GNG4: variants seen among roughly 807,000 people sequenced by gnomAD.
GNG4 encodes G protein subunit gamma 4.
A neutral mutation model predicts 5.8 loss-of-function variants in GNG4; 4 were observed. The observed-to-expected ratio is 0.69, with a 90% CI of 0.34 to 1.57. The LOEUF is 1.57. Among genes scored for constraint, GNG4 ranks in the 40% most tolerant of loss-of-function variants. The pLI, the probability that GNG4 is intolerant of heterozygous loss-of-function variation, is 0.06. For missense variants in GNG4, 96 were observed against 95.1 expected (o/e 1.01, Z -0.04); for synonymous variants, 29 against 32.9 (o/e 0.88, Z 0.41).
chr1:235,627,802 A>C (rs1688846387), intron 1 of GNG4, among the ~76,000 whole-genome samples: 2 of 152,224 alleles, frequency 1.3e-5, no homozygotes, highest in Admixed American at 1.3e-4. Flanking sequence ...CAGGATCCTT[A>C]GTTTCAACCA....
At chr1:235,601,384 G>A (rs1688255487) in intron 1 of GNG4, among the ~76,000 whole-genome samples, 1 of 152,160 alleles carries the variant, frequency 6.6e-6, no homozygotes, top group African/African-American at 2.4e-5. Flanking sequence ...GAATCACCAT[G>A]CTGATCCATG....
At chr1:235,555,566 C>T (rs1430307612) in intron 3 of GNG4, among the ~76,000 whole-genome samples, 1 of 151,644 alleles carries the variant, frequency 6.6e-6, no homozygotes, top group Admixed American at 6.6e-5. Flanking sequence ...GCAGTCCCAG[C>T]TACTTGGGAG....
At chr1:235,560,593 T>C (rs760640679) in intron 3 of GNG4, among the ~76,000 whole-genome samples, 18 of 152,196 alleles carry the variant, frequency 1.2e-4, no homozygotes, top group Non-Finnish European at 2.4e-4. Context: ...CATTATTCAT[T>C]TGGCTACTTT....
chr1:235,650,382 A>T (rs1657653687), upstream of GNG4, among the ~76,000 whole-genome samples: 1 of 148,574 alleles, frequency 6.7e-6, no homozygotes, highest in African/African-American at 2.5e-5. Context: ...GGGTCTGGGG[A>T]CGGGGCCGCG....
At chr1:235,566,349 G>A (rs1443195453) in intron 3 of GNG4, among the ~76,000 whole-genome samples, 1 of 152,136 alleles carries the variant, frequency 6.6e-6, no homozygotes, top group Non-Finnish European at 1.5e-5. Flanking sequence ...GGAGGCCTTA[G>A]ATTCCCATAG....
intron 1 of GNG4, among the ~76,000 whole-genome samples, chr1:235,605,769 C>T (rs567989008): frequency 1.3e-5 from 2 of 152,178 alleles, no homozygotes; most frequent in East Asian, 1.9e-4. Context: ...CTGGCACTTT[C>T]AGGAAACCCT....
intron 1 of GNG4, among the ~76,000 whole-genome samples, chr1:235,597,486 G>T (rs551926016): frequency 6.6e-6 from 1 of 151,654 alleles, no homozygotes; most frequent in South Asian, 2.1e-4. Flanking sequence ...TAAGTCATGA[G>T]GATGGAGCTC....
rs1686878521 is a variant in GNG4, at chr1:235,555,551, C to T, written c.100-3314G>A. 5.9e-5 allele frequency among the ~76,000 whole-genome samples: 9 copies of T among 151,836 alleles called. No homozygotes were observed. The South Asian group carries it at 1.9e-3, about 32-fold the overall frequency. On this transcript the variant is annotated intron_variant, in intron 3 of 3. Coordinates refer to ENST00000391854, the MANE Select transcript of GNG4 (RefSeq NM_001098722.2). ...AAAATTAGCCAGGCATGATAGTGCA[C>T]ACCGGCAGTCCCAGCTACTTGGGAG...
intron 1 of GNG4, among the ~76,000 whole-genome samples, chr1:235,632,435 T>C (rs1280847283): frequency 6.6e-6 from 1 of 152,150 alleles, no homozygotes; most frequent in Non-Finnish European, 1.5e-5. Flanking sequence ...GGCTGCAAAA[T>C]GAGCTCCCAG....
chr1:235,586,602 A>G lies in GNG4; in HGVS notation c.-10-2754T>C, dbSNP rs994350928. Among the ~76,000 whole-genome samples the G allele has an allele frequency of 4.6e-4, 70 of 152,352 alleles. 1 individual carries two copies. The highest frequency in any genetic ancestry group is 2.1e-3 in the South Asian group (10 of 4,828). On this transcript the variant is annotated intron_variant, in intron 2 of 3. Transcript: ENST00000391854. ...ACTGGATCACGGGGCCAGATCAGTC[A>G]GGAAGGGCTCAGCGCCACCCTTTGG...
intron 1 of GNG4, among the ~76,000 whole-genome samples, chr1:235,636,460 A>G (rs531395028): frequency 2.6e-5 from 4 of 152,262 alleles, no homozygotes; most frequent in South Asian, 4.1e-4. Context: ...GGCACTGAGC[A>G]GCAGGCCTGC....
intron 1 of GNG4, among the ~76,000 whole-genome samples, chr1:235,634,971 C>T (rs1318374095): frequency 1.3e-5 from 2 of 152,016 alleles, no homozygotes; most frequent in African/African-American, 4.8e-5. Flanking sequence ...AGAAATACTT[C>T]CTTTGCTGAA....
At chr1:235,581,801 CTCTT>C (rs1305394778) in intron 3 of GNG4, among the ~76,000 whole-genome samples, 1 of 152,162 alleles carries the variant, frequency 6.6e-6, no homozygotes, top group Non-Finnish European at 1.5e-5. Context: ...TTTGACTTTC[CTCTT>C]TCTTTTAGTG....
chr1:235,585,683 A>G (rs991639303), intron 2 of GNG4, among the ~76,000 whole-genome samples: 7 of 152,168 alleles, frequency 4.6e-5, no homozygotes, highest in African/African-American at 1.7e-4. Flanking sequence ...TTTTCAATCC[A>G]TATATTTACG....
intron 1 of GNG4, among the ~76,000 whole-genome samples, chr1:235,600,981 G>C (rs1395695752): frequency 6.6e-6 from 1 of 152,206 alleles, no homozygotes; most frequent in South Asian, 2.1e-4. Context: ...TGACTCTGGT[G>C]TGCATGAAAG....
intron 3 of GNG4, among the ~76,000 whole-genome samples, chr1:235,578,408 C>G (rs1558482060): frequency 6.6e-6 from 1 of 152,168 alleles, no homozygotes; most frequent in African/African-American, 2.4e-5. Flanking sequence ...TAGGATCCAG[C>G]AATCCCACTA....
At chr1:235,571,841 CTAAT>C (rs1409041137) in intron 3 of GNG4, among the ~76,000 whole-genome samples, 5 of 152,038 alleles carry the variant, frequency 3.3e-5, no homozygotes, top group Admixed American at 6.6e-5. Context: ...AATTAATTAA[CTAAT>C]TAATTATTTT....
chr1:235,608,989 A>AT (rs56011845), intron 1 of GNG4, among the ~76,000 whole-genome samples: 20 of 151,050 alleles, frequency 1.3e-4, no homozygotes, highest in South Asian at 6.3e-4. Flanking sequence ...TGGCTCCTCA[A>AT]TTTTTTTTTG....
At chr1:235,569,653 C>T (rs532417213) in intron 3 of GNG4, among the ~76,000 whole-genome samples, 2 of 151,718 alleles carry the variant, frequency 1.3e-5, no homozygotes, top group African/African-American at 2.4e-5. Context: ...AGTGTTTGAA[C>T]GCCTCCCAGG....
Sources: gnomAD v4.1 joint callset for allele counts (sites outside exome capture counted in the v4.1 genomes callset) on GRCh38, gnomAD v4.1.1 for gene constraint, MANE v1.5 for transcripts, NCBI Gene and HGNC (gene_info 2026-07-23, HGNC 2026-07-21) for gene names.